SLC26A5: variants seen among roughly 807,000 people sequenced by gnomAD.
The protein encoded by SLC26A5 is prestin.
A neutral mutation model predicts 81.0 loss-of-function variants in SLC26A5; 51 were observed. The ratio of observed to expected loss-of-function variants is 0.63; its 90% CI spans 0.50 to 0.80. SLC26A5 has a LOEUF of 0.80. Ranked by LOEUF, SLC26A5 falls within the 30% of genes least tolerant of loss-of-function variation. SLC26A5 has a pLI of 0.00. For synonymous variants in SLC26A5, 325 were observed against 332.8 expected, an observed-to-expected ratio of 0.98 and a Z score of 0.25; for missense variants, 771 against 905.8, an observed-to-expected ratio of 0.85 and a Z score of 1.91.
intron 4 of SLC26A5, among the ~76,000 whole-genome samples, chr7:103,416,427 T>C (rs1013652170): frequency 6.6e-6 from 1 of 152,246 alleles, no homozygotes; most frequent in Non-Finnish European, 1.5e-5. Flanking sequence ...GGGAACAGCC[T>C]TTGCTGGCTC....
rs1264512183 is a variant in SLC26A5, at chr7:103,360,149, G to A, written c.2042-7223C>T. ...TCTTAAGGGACAATTTCTATTGACT[G>A]ATTTTTTTCCCCTTATGTATGAGCC... is the stretch of plus-strand genomic sequence containing the variant. On this transcript the variant is annotated intron_variant, in intron 19 of 19. Coordinates refer to the SLC26A5 transcript ENST00000339444. Among the ~76,000 whole-genome samples the A allele has an allele frequency of 2.6e-5, 4 of 151,656 alleles. No homozygotes were observed. In the East Asian group the frequency reaches 7.7e-4, roughly 29 times the overall value.
chr7:103,424,505 C>G (rs1825582596), intron 2 of SLC26A5, among the ~76,000 whole-genome samples: 1 of 152,142 alleles, frequency 6.6e-6, no homozygotes, highest in Admixed American at 6.5e-5. Context: ...TCTCTTTCAT[C>G]TTATAGATTA....
chr7:103,394,454 A>T (rs934427257), intron 9 of SLC26A5, among the ~76,000 whole-genome samples: 1 of 152,248 alleles, frequency 6.6e-6, no homozygotes, highest in Non-Finnish European at 1.5e-5. Context: ...AAGGCCTAGC[A>T]GCAGGTTTGG....
chr7:103,396,059 A>G (rs74987904), intron 9 of SLC26A5, among the ~76,000 whole-genome samples: 3,342 of 152,284 alleles, frequency 0.022, 119 homozygotes, highest in African/African-American at 0.076. Flanking sequence ...CCTGGCAGGT[A>G]AGGAAATGGA....
chr7:103,431,323 CTTT>C (rs11372947), intron 2 of SLC26A5, among the ~76,000 whole-genome samples: 2 of 147,790 alleles, frequency 1.4e-5, no homozygotes, highest in Non-Finnish European at 3.0e-5. Context: ...TTCTTTCTTT[CTTT>C]TTTTTTTTCC....
At chr7:103,374,083 A>G, downstream of SLC26A5, 1 of 719,692 alleles carries the variant, frequency 1.4e-6, no homozygotes, top group Non-Finnish European at 1.8e-6. Context: ...AAGAACCACT[A>G]TGTAATATCT....
intron 19 of SLC26A5, chr7:103,368,043 A>G (rs571188683): frequency 1.2e-6 from 2 of 1,611,694 alleles, no homozygotes; most frequent in African/African-American, 2.7e-5. Context: ...TCGTTACATG[A>G]CATACAACTG....
At chr7:103,355,821 A>C (rs1293965630) in intron 19 of SLC26A5, 1 of 1,499,462 alleles carries the variant, frequency 6.7e-7, no homozygotes, top group Non-Finnish European at 9.3e-7. Flanking sequence ...GTGGCAACTT[A>C]CCTTTGTCTG....
At chr7:103,385,833 T>TG in intron 14 of SLC26A5, among the ~76,000 whole-genome samples, 1 of 151,776 alleles carries the variant, frequency 6.6e-6, no homozygotes, top group Non-Finnish European at 1.5e-5. Flanking sequence ...TCCAAGTAGC[T>TG]GGGACCACAG....
chr7:103,381,086 C>A (rs62638824), intron 14 of SLC26A5, among the ~76,000 whole-genome samples: 15 of 151,092 alleles, frequency 9.9e-5, no homozygotes, highest in Non-Finnish European at 3.0e-5. Flanking sequence ...CACTACATAC[C>A]ACACATATAC....
chr7:103,406,354 A>T (rs1035911594), intron 8 of SLC26A5, among the ~76,000 whole-genome samples: 3 of 152,202 alleles, frequency 2.0e-5, no homozygotes, highest in Non-Finnish European at 4.4e-5. Flanking sequence ...TGTGAAGACC[A>T]TGAGAAAAGC....
At chr7:103,353,855 T>A in intron 19 of SLC26A5, 2 of 1,383,296 alleles carry the variant, frequency 1.4e-6, no homozygotes, top group Non-Finnish European at 2.0e-6. Flanking sequence ...AAAGCTCTAG[T>A]TTCTTTTTTA....
downstream of SLC26A5, among the ~76,000 whole-genome samples, chr7:103,371,166 C>T (rs968755048): frequency 2.0e-5 from 3 of 152,146 alleles, no homozygotes; most frequent in Non-Finnish European, 4.4e-5. Context: ...GAAATGCACT[C>T]GTTCTCAGAT....
At chr7:103,407,117 A>T (rs1824120283) in intron 8 of SLC26A5, among the ~76,000 whole-genome samples, 1 of 152,218 alleles carries the variant, frequency 6.6e-6, no homozygotes. Context: ...TCACAGTTTG[A>T]ACACTGTGTT....
intron 4 of SLC26A5, among the ~76,000 whole-genome samples, chr7:103,415,338 G>A (rs1015201073): frequency 2.3e-4 from 35 of 152,168 alleles, no homozygotes; most frequent in Admixed American, 1.5e-3. Flanking sequence ...TTTGCTCCTC[G>A]GAGCCAATCA....
chr7:103,407,882 A>C lies in SLC26A5; in HGVS notation c.857T>G (p.Leu286Trp). ...KEFNERFKEK[L>W]PAPIPLEFFA... is the part of the protein sequence containing the mutation. Reference sequence around the variant, plus strand: ...GAACTCTAAAGGAATAGGCGCCGGCAATTTCTCTTTAAATCTCTCATTAAA... The same window carrying C: ...GAACTCTAAAGGAATAGGCGCCGGCCATTTCTCTTTAAATCTCTCATTAAA... Residue 286 changes from leucine to tryptophan, a missense_variant, in exon 8 of 20, where the codon TTG (leucine) becomes TGG (tryptophan). Physicochemically the swap from Leu to Trp is moderately conservative, Grantham distance 61. Transcript: ENST00000306312. 1 of 1,614,186 alleles carries C rather than the reference A, an allele frequency of 6.2e-7. No homozygotes were observed. The highest frequency in any genetic ancestry group is 8.5e-7 in the Non-Finnish European group (1 of 1,180,032).
rs1407713091 is a variant in SLC26A5 at position 103,407,921 on chromosome 7, A to T, written c.818T>A (p.Leu273Ter). The part of the protein sequence containing the change: ...GVGLMVFGLL[L>*]GGKEFNERFK... ...TCTCTCATTAAACTCCTTGCCACCC[A>T]ACAGCAAACCAAAAACCATCAGCCC... The change falls in exon 8 of 20, where the codon TTG (leucine) becomes TAG (stop). Residue 273 changes from leucine (L) to a stop codon, truncating the protein, a stop_gained. Coordinates refer to ENST00000306312, the MANE Select transcript of SLC26A5 (RefSeq NM_198999.3). LOFTEE classifies it high-confidence loss of function. 1.2e-6 allele frequency: 2 copies of T among 1,614,080 alleles called. No individual in the cohort carries two copies. The highest frequency in any genetic ancestry group is 1.7e-6 in the Non-Finnish European group (2 of 1,180,048).
At chr7:103,374,863 C>G (rs895045106) in intron 19 of SLC26A5, among the ~76,000 whole-genome samples, 12 of 150,846 alleles carry the variant, frequency 8.0e-5, no homozygotes, top group African/African-American at 2.9e-4. Context: ...ATGTCTCCAC[C>G]CTTCATAACC....
intron 2 of SLC26A5, among the ~76,000 whole-genome samples, chr7:103,431,316 T>G (rs1434836532): frequency 7.8e-6 from 1 of 128,690 alleles, no homozygotes; most frequent in Non-Finnish European, 1.5e-5. Context: ...AGCCATTTTC[T>G]TTCTTTCTTT....
Sources: gnomAD v4.1 joint callset for allele counts (sites outside exome capture counted in the v4.1 genomes callset) on GRCh38, gnomAD v4.1.1 for gene constraint, MANE v1.5 for transcripts, NCBI Gene and HGNC (gene_info 2026-07-23, HGNC 2026-07-21) for gene names.